FHOD3: variants seen among roughly 807,000 people sequenced by gnomAD.
FHOD3 encodes the protein formin homology 2 domain containing 3.
A neutral mutation model predicts 173.0 loss-of-function variants in FHOD3; 90 were observed. The ratio of observed to expected loss-of-function variants is 0.52; its 90% CI spans 0.44 to 0.62. FHOD3 has a LOEUF of 0.62. FHOD3 is among the 20% of genes least tolerant of loss of function. The pLI, the probability that FHOD3 is intolerant of heterozygous loss-of-function variation, is 0.00. For missense variants in FHOD3, 1,945 were observed against 2,034.7 expected (o/e 0.96, Z 0.85); for synonymous variants, 828 against 823.0 (o/e 1.01, Z -0.10).
intron 9 of FHOD3, among the ~76,000 whole-genome samples, chr18:36,614,568 G>C (rs1364659645): frequency 1.3e-5 from 2 of 152,286 alleles, no homozygotes; most frequent in East Asian, 3.9e-4. Context: ...TTGAGGAATT[G>C]CTGGATTGGT....
intron 3 of FHOD3, among the ~76,000 whole-genome samples, chr18:36,464,852 TCTTC>T (rs2052812352): frequency 6.6e-6 from 1 of 152,128 alleles, no homozygotes; most frequent in Admixed American, 6.6e-5. Flanking sequence ...CCCCCCTCTT[TCTTC>T]CTTCTTTCTT....
intron 7 of FHOD3, among the ~76,000 whole-genome samples, chr18:36,596,899 G>A (rs567012400): frequency 1.3e-5 from 2 of 152,174 alleles, no homozygotes; most frequent in Non-Finnish European, 2.9e-5. Context: ...CAGAAACCAG[G>A]TCTAGCATTT....
chr18:36,432,527 G>A (rs935542766), intron 3 of FHOD3, among the ~76,000 whole-genome samples: 9 of 152,178 alleles, frequency 5.9e-5, no homozygotes, highest in African/African-American at 2.2e-4. Context: ...CAGGCTTCTA[G>A]AATGGGCCTC....
intron 8 of FHOD3, among the ~76,000 whole-genome samples, chr18:36,611,082 T>C (rs2148611353): frequency 6.6e-6 from 1 of 152,318 alleles, no homozygotes; most frequent in East Asian, 1.9e-4. Flanking sequence ...GGTTCTCTTT[T>C]TGTCTCTTAA....
intron 14 of FHOD3, among the ~76,000 whole-genome samples, chr18:36,669,487 C>T (rs956667887): frequency 9.9e-5 from 15 of 151,348 alleles, no homozygotes; most frequent in Non-Finnish European, 3.0e-5. Context: ...ATTCTTTCTT[C>T]CTTTTGGGGG....
intron 3 of FHOD3, among the ~76,000 whole-genome samples, chr18:36,379,811 C>T (rs1171583018): frequency 6.6e-6 from 1 of 152,196 alleles, no homozygotes; most frequent in Admixed American, 6.5e-5. Context: ...GCTCTGAGTG[C>T]CTTTGGCTGT....
intron 5 of FHOD3, among the ~76,000 whole-genome samples, chr18:36,572,683 G>A (rs1405458527): frequency 2.6e-5 from 4 of 151,948 alleles, no homozygotes; most frequent in East Asian, 3.9e-4. Context: ...TTGTAATAGT[G>A]TCCTGGCTTC....
intron 13 of FHOD3, among the ~76,000 whole-genome samples, chr18:36,654,322 A>G (rs1340155534): frequency 6.6e-6 from 1 of 152,256 alleles, no homozygotes; most frequent in Non-Finnish European, 1.5e-5. Context: ...ATCTAGATCT[A>G]TGATCGTTAA....
At chr18:36,666,116 G>A (rs1264965748) in intron 14 of FHOD3, among the ~76,000 whole-genome samples, 1 of 152,242 alleles carries the variant, frequency 6.6e-6, no homozygotes, top group Non-Finnish European at 1.5e-5. Flanking sequence ...ACAGTAATGT[G>A]AGACTCCATG....
At position 36,517,500 on chromosome 18, in the gene FHOD3, A is replaced by G. The variant is rs964839225; in HGVS notation, c.511+4957A>G. Among the ~76,000 whole-genome samples the G allele has an allele frequency of 5.9e-5, 9 of 152,168 alleles. No individual in the cohort carries two copies. The South Asian group carries it at 1.2e-3, about 21-fold the overall frequency. ...CATATGTACTGTGCTTTGGAGGAGA[A>G]AAGAGAGAGAGAGATAAATAGAAAC... On this transcript the variant is annotated intron_variant, in intron 5 of 28. Coordinates refer to ENST00000590592, the MANE Select transcript of FHOD3 (RefSeq NM_001281740.3).
chr18:36,385,920 G>A (rs934593901), intron 3 of FHOD3, among the ~76,000 whole-genome samples: 4 of 152,154 alleles, frequency 2.6e-5, no homozygotes, highest in African/African-American at 9.7e-5. Flanking sequence ...CACATGACCA[G>A]GCAGTCAAAC....
intron 17 of FHOD3, among the ~76,000 whole-genome samples, chr18:36,703,709 G>A (rs2039711772): frequency 6.6e-6 from 1 of 152,202 alleles, no homozygotes; most frequent in Non-Finnish European, 1.5e-5. Context: ...TTGTGTGAGT[G>A]ATGGTCTGCC....
chr18:36,769,270 A>T lies in FHOD3; in HGVS notation c.4630A>T (p.Thr1544Ser). ...TCTGGCTGTTTAATTTTTAGGATCC[A>T]CTAGTTCCTGGACTATGGGAACTGA... is the stretch of plus-strand genomic sequence containing the variant. ...RTRSRASRGS[T>S]SSWTMGTDDS... is the part of the protein sequence containing the mutation. The change falls in exon 28 of 29, where the codon ACT (threonine) becomes TCT (serine). Residue 1544 changes from threonine to serine, a missense_variant. This residue lies in a region of FHOD3 where 354 missense variants were observed against 359.9 expected (regional missense o/e 0.98). Coordinates refer to ENST00000590592, the MANE Select transcript of FHOD3 (RefSeq NM_001281740.3). The T allele has an allele frequency of 1.2e-6, 2 of 1,614,024 alleles. No homozygotes were observed. Among genetic ancestry groups the T allele is most frequent in the Non-Finnish European group, 1.7e-6 (2 of 1,179,976 alleles).
chr18:36,339,885 A>C (rs971217008), intron 1 of FHOD3, among the ~76,000 whole-genome samples: 1 of 152,176 alleles, frequency 6.6e-6, no homozygotes, highest in East Asian at 1.9e-4. Context: ...TAGGCCCCAC[A>C]TTTTTGGTTT....
intron 3 of FHOD3, among the ~76,000 whole-genome samples, chr18:36,499,500 G>A (rs2145979379): frequency 6.6e-6 from 1 of 152,290 alleles, no homozygotes; most frequent in South Asian, 2.1e-4. Flanking sequence ...GGTATACATG[G>A]CCCATGCTTT....
intron 10 of FHOD3, among the ~76,000 whole-genome samples, chr18:36,633,511 T>C (rs1410321362): frequency 6.6e-6 from 1 of 152,156 alleles, no homozygotes; most frequent in Non-Finnish European, 1.5e-5. Flanking sequence ...CAATTTTACA[T>C]GTATTGTAAA....
At chr18:36,318,081 A>T (rs567193574) in intron 1 of FHOD3, among the ~76,000 whole-genome samples, 2 of 152,158 alleles carry the variant, frequency 1.3e-5, no homozygotes, top group Non-Finnish European at 2.9e-5. Context: ...CCATTGGTCT[A>T]TGTATCTGTT....
chr18:36,419,390 C>T (rs926692828), intron 3 of FHOD3, among the ~76,000 whole-genome samples: 5 of 151,824 alleles, frequency 3.3e-5, no homozygotes, highest in African/African-American at 9.7e-5. Context: ...TGTGCCCCTC[C>T]CAAGGATGGA....
At chr18:36,550,729 T>C (rs937842538) in intron 5 of FHOD3, among the ~76,000 whole-genome samples, 2 of 152,200 alleles carry the variant, frequency 1.3e-5, no homozygotes, top group African/African-American at 4.8e-5. Context: ...AATTGCTCAT[T>C]TGTATTTTTT....
Sources: allele counts gnomAD v4.1 joint callset (sites outside exome capture counted in the v4.1 genomes callset), GRCh38; gene constraint gnomAD v4.1.1; regional missense constraint gnomAD v4.1.1; transcripts MANE v1.5; gene names NCBI Gene and HGNC (gene_info 2026-07-23, HGNC 2026-07-21).